STIM2: variants seen among roughly 807,000 people sequenced by gnomAD.
STIM2 encodes stromal interaction molecule 2.
A neutral mutation model predicts 85.8 loss-of-function variants in STIM2; 31 were observed. The ratio of observed to expected loss-of-function variants is 0.36; its 90% CI spans 0.27 to 0.49. STIM2 has a LOEUF of 0.49. Among genes scored for constraint, STIM2 ranks in the 20% least tolerant of loss-of-function variants. STIM2 has a pLI of 0.98. For synonymous variants in STIM2, 356 were observed against 331.1 expected (o/e 1.08, Z -0.82); for missense variants, 841 against 927.6 (o/e 0.91, Z 1.21).
chr4:26,946,427 T>G (rs1725834394), intron 2 of STIM2, among the ~76,000 whole-genome samples: 1 of 152,214 alleles, frequency 6.6e-6, no homozygotes, highest in Admixed American at 6.5e-5. Context: ...TTCTTTAAGA[T>G]TAGTAATGGA....
chr4:26,959,060 G>A (rs146996895), intron 3 of STIM2, among the ~76,000 whole-genome samples: 3 of 152,250 alleles, frequency 2.0e-5, no homozygotes, highest in African/African-American at 7.2e-5. Context: ...ATCTCCCTGT[G>A]TTTGTGCTCT....
intron 1 of STIM2, among the ~76,000 whole-genome samples, chr4:26,901,167 C>T (rs150061773): frequency 7.9e-5 from 12 of 152,262 alleles, no homozygotes; most frequent in Admixed American, 2.0e-4. Context: ...CGTGCTTGTC[C>T]GTGTAGCTTT....
chr4:27,009,103 T>C, intron 10 of STIM2, 101 bp downstream of exon 10: 1 of 1,063,368 alleles, frequency 9.4e-7, no homozygotes, highest in East Asian at 2.4e-5. Context: ...TGAGAAAAAA[T>C]TGGGTTTATC....
chr4:26,903,863 A>G (rs1214945936), intron 1 of STIM2, among the ~76,000 whole-genome samples: 10 of 152,048 alleles, frequency 6.6e-5, no homozygotes, highest in Non-Finnish European at 1.5e-4. Flanking sequence ...TGGTAGAGCC[A>G]AGTTATTGAG....
At chr4:26,896,472 C>G (rs1024135566) in intron 1 of STIM2, among the ~76,000 whole-genome samples, 1 of 152,348 alleles carries the variant, frequency 6.6e-6, no homozygotes, top group Non-Finnish European at 1.5e-5. Context: ...GTCTTCCACA[C>G]TCTCATCCAT....
chr4:26,885,830 T>TAG lies in STIM2; in HGVS notation c.151+24462_151+24463insGA, dbSNP rs1560194494. The stretch of plus-strand genomic sequence containing the variant: ...AATTTAGCACCTCAGGTTATATATA[T>TAG]ATATATATATATATATATATATATA... On this transcript the variant is annotated intron_variant, in intron 1 of 11. Transcript: ENST00000467087. 4.0e-4 allele frequency among the ~76,000 whole-genome samples: 8 copies of TAG among 19,846 alleles called. No homozygotes were observed. The South Asian group carries it at 0.011, about 27-fold the overall frequency. The allele number at this position is 19,846 out of a possible 152,430, so 13.0% of individuals were successfully genotyped here. A position where few individuals can be genotyped will look rare whatever the true frequency, so the allele number is the denominator to read the frequency against.
chr4:26,988,275 A>G (rs1010736460), intron 3 of STIM2, among the ~76,000 whole-genome samples: 12 of 152,332 alleles, frequency 7.9e-5, no homozygotes, highest in African/African-American at 2.9e-4. Context: ...TATGGCAGAT[A>G]TAAGTATAGG....
chr4:26,937,260 G>A (rs1430341976), intron 2 of STIM2, among the ~76,000 whole-genome samples: 1 of 152,094 alleles, frequency 6.6e-6, no homozygotes, highest in African/African-American at 2.4e-5. Context: ...ACTGCAACAA[G>A]AATTTCCTAT....
Position 27,009,083 on chromosome 4 carries a change from T to G in STIM2, c.1489+81T>G. ...TATGTCCTTTTAGGAATCATGTACT[T>G]CGAAATCTGTGAGAAAAAATTGGGT... On this transcript the variant is annotated intron_variant, in intron 10 of 11. Transcript: ENST00000467087. 7.3e-6 allele frequency: 9 copies of G among 1,229,020 alleles called. 1 individual carries two copies. The South Asian group carries it at 1.3e-4, about 18-fold the overall frequency. 76.1% of individuals were successfully genotyped at this position (1,229,020 alleles called of 1,614,324 possible). A position where few individuals can be genotyped will look rare whatever the true frequency, so the allele number is the denominator to read the frequency against.
chr4:26,965,999 T>G (rs1726701706), intron 3 of STIM2, among the ~76,000 whole-genome samples: 1 of 152,176 alleles, frequency 6.6e-6, no homozygotes, highest in African/African-American at 2.4e-5. Flanking sequence ...TTTCTTATGA[T>G]TTAAGGAGGT....
At position 26,943,593 on chromosome 4, in the gene STIM2, G is replaced by A. The variant is rs1725701897; in HGVS notation, c.283-14019G>A. 1.3e-5 allele frequency among the ~76,000 whole-genome samples: 2 copies of A among 152,124 alleles called. 1 individual carries two copies. The highest frequency in any genetic ancestry group is 4.8e-5 in the African/African-American group (2 of 41,428). ...CCCCAGAGTTCTGCTTTCTTCAGCT[G>A]TTTCTTCAAGGAGCTTTAATTTTGT... On this transcript the variant is annotated intron_variant, in intron 2 of 11. Coordinates refer to ENST00000467087, the MANE Select transcript of STIM2 (RefSeq NM_020860.4).
At chr4:26,895,611 C>A (rs542187381) in intron 1 of STIM2, among the ~76,000 whole-genome samples, 21 of 152,138 alleles carry the variant, frequency 1.4e-4, no homozygotes, top group African/African-American at 4.8e-4. Flanking sequence ...TTGTCCATAA[C>A]CCAGTTTCAT....
chr4:26,877,942 CTT>C (rs913193251), intron 1 of STIM2, among the ~76,000 whole-genome samples: 1 of 152,122 alleles, frequency 6.6e-6, no homozygotes, highest in African/African-American at 2.4e-5. Flanking sequence ...GTGTCTCTCT[CTT>C]TGCCCATCTG....
At chr4:26,963,435 G>A (rs1726558900) in intron 3 of STIM2, among the ~76,000 whole-genome samples, 1 of 141,828 alleles carries the variant, frequency 7.1e-6, no homozygotes, top group African/African-American at 2.6e-5. Context: ...AGCATTATCA[G>A]AAGAGGAACT....
intron 2 of STIM2, among the ~76,000 whole-genome samples, chr4:26,954,837 T>C (rs1253128866): frequency 6.8e-6 from 1 of 147,832 alleles, no homozygotes; most frequent in Non-Finnish European, 1.5e-5. Flanking sequence ...AGATACAGAA[T>C]ATACTTTTAT....
chr4:26,864,111 CCCATTGTCATA>C (rs1040853176), intron 1 of STIM2, among the ~76,000 whole-genome samples: 24 of 152,024 alleles, frequency 1.6e-4, no homozygotes, highest in African/African-American at 5.8e-4. Context: ...AATAAACAGA[CCCATTGTCATA>C]ATGAATACAG....
intron 1 of STIM2, 26 bp from the exon 2 acceptor site, chr4:26,919,478 A>G (rs1724717838): frequency 6.2e-7 from 1 of 1,612,160 alleles, no homozygotes; most frequent in East Asian, 2.2e-5. Context: ...ATGGCAAGTT[A>G]GTAATTGCCC....
intron 2 of STIM2, among the ~76,000 whole-genome samples, chr4:26,946,080 C>G (rs1725824079): frequency 6.6e-6 from 1 of 151,850 alleles, no homozygotes; most frequent in Non-Finnish European, 1.5e-5. Flanking sequence ...ATGGAATATC[C>G]CAGAAACAGA....
At chr4:26,954,762 CA>C (rs1377183291) in intron 2 of STIM2, among the ~76,000 whole-genome samples, 1 of 147,812 alleles carries the variant, frequency 6.8e-6, no homozygotes, top group Non-Finnish European at 1.5e-5. Flanking sequence ...ATTTTCTAAA[CA>C]AAAATATTTC....
Sources: gnomAD v4.1 joint callset for allele counts (sites outside exome capture counted in the v4.1 genomes callset) on GRCh38, gnomAD v4.1.1 for gene constraint, MANE v1.5 for transcripts, NCBI Gene and HGNC (gene_info 2026-07-23, HGNC 2026-07-21) for gene names.